The following ZRANB3 variants were observed in gnomAD, a reference collection of about 807,000 sequenced individuals.
The protein encoded by ZRANB3 is zinc finger RANBP2-type containing 3, also known as DNA annealing helicase and endonuclease ZRANB3.
In ZRANB3, 125 loss-of-function variants were observed where a neutral mutation model predicts 133.8. The observed-to-expected ratio is 0.93, with a 90% CI of 0.81 to 1.08. The LOEUF is 1.08. Ranked by LOEUF, ZRANB3 falls within the 50% of genes least tolerant of loss-of-function variation. The probability of loss-of-function intolerance (pLI) is 0.00; values close to 1 mark genes in which losing one functional copy is unlikely to be tolerated. For missense variants in ZRANB3, 1,229 were observed against 1,275.5 expected, an observed-to-expected ratio of 0.96 and a Z score of 0.56; for synonymous variants, 387 against 432.7, an observed-to-expected ratio of 0.89 and a Z score of 1.31.
At chr2:135,336,854 TG>T (rs1684392299) in intron 6 of ZRANB3, among the ~76,000 whole-genome samples, 1 of 152,030 alleles carries the variant, frequency 6.6e-6, no homozygotes, top group Non-Finnish European at 1.5e-5. Flanking sequence ...TTGTTTTATG[TG>T]GGCAAATTTT....
intron 13 of ZRANB3, 154 bp from the exon 14 acceptor site, chr2:135,228,169 A>C: frequency 1.6e-6 from 1 of 615,726 alleles, no homozygotes; most frequent in Non-Finnish European, 2.7e-6. Flanking sequence ...ACCCAGTACT[A>C]TTCTAGATGC....
intron 6 of ZRANB3, among the ~76,000 whole-genome samples, chr2:135,327,322 T>C (rs1683883580): frequency 6.6e-6 from 1 of 152,036 alleles, no homozygotes; most frequent in Admixed American, 6.6e-5. Flanking sequence ...GAGGAAAATC[T>C]CCAGGAAAAC....
intron 2 of ZRANB3, among the ~76,000 whole-genome samples, chr2:135,481,327 T>C (rs1239067278): frequency 1.3e-5 from 2 of 151,752 alleles, no homozygotes; most frequent in African/African-American, 4.8e-5. Context: ...TGAGATGGTA[T>C]CTCATTGTGG....
At chr2:135,520,774 G>A (rs1202639683) in intron 1 of ZRANB3, among the ~76,000 whole-genome samples, 1 of 151,832 alleles carries the variant, frequency 6.6e-6, no homozygotes, top group Non-Finnish European at 1.5e-5. Flanking sequence ...TAGTAGAGAC[G>A]GGGTTACACC....
At chr2:135,419,654 T>C (rs1688748367) in intron 2 of ZRANB3, among the ~76,000 whole-genome samples, 1 of 151,542 alleles carries the variant, frequency 6.6e-6, no homozygotes, top group Non-Finnish European at 1.5e-5. Context: ...GTAACAAGGA[T>C]GGCACCAGTC....
intron 1 of ZRANB3, among the ~76,000 whole-genome samples, chr2:135,507,012 G>C (rs145418242): frequency 2.6e-5 from 4 of 152,292 alleles, no homozygotes; most frequent in African/African-American, 9.6e-5. Context: ...AGCAAAAAGG[G>C]AAAGCATGAA....
rs746310380 is a variant in ZRANB3, at chr2:135,350,155, C to T, written c.420G>A (p.Lys140=). ...GATTATTCAGTGCATCTATCAAAGT[C>T]TTTGCATCTGCGGTTAAGAGACCAT... The part of the protein sequence containing the change: ...LGYGLLTADA[K]TLIDALNNQN... Residue 140 remains lysine (K), a synonymous_variant, in exon 5 of 21, where the codon AAG becomes AAA. Transcript: ENST00000264159. The T allele has an allele frequency of 6.2e-7, 1 of 1,612,296 alleles. No homozygotes were observed. The highest frequency in any genetic ancestry group is 1.3e-5 in the African/African-American group (1 of 74,914).
At chr2:135,307,686 T>C (rs146623498) in intron 8 of ZRANB3, among the ~76,000 whole-genome samples, 44 of 152,290 alleles carry the variant, frequency 2.9e-4, no homozygotes, top group African/African-American at 9.6e-4. Context: ...CTAGGAGTTA[T>C]GTGTAGAAGG....
intron 8 of ZRANB3, among the ~76,000 whole-genome samples, chr2:135,307,727 T>C (rs1682772046): frequency 1.3e-5 from 2 of 152,178 alleles, no homozygotes; most frequent in African/African-American, 4.8e-5. Context: ...GATAGTTACA[T>C]CCAGAATTGA....
At chr2:135,408,772 C>T (rs925425615) in intron 2 of ZRANB3, among the ~76,000 whole-genome samples, 3 of 148,060 alleles carry the variant, frequency 2.0e-5, no homozygotes, top group Non-Finnish European at 4.4e-5. Context: ...GGGAACTGAA[C>T]AATGAGAACA....
At chr2:135,440,905 C>A (rs539107190) in intron 2 of ZRANB3, among the ~76,000 whole-genome samples, 14 of 152,002 alleles carry the variant, frequency 9.2e-5, no homozygotes, top group Admixed American at 5.9e-4. Flanking sequence ...TTTGATAGAG[C>A]AATAGAAATT....
chr2:135,233,765 A>G (rs906868402), intron 12 of ZRANB3, among the ~76,000 whole-genome samples: 1 of 152,136 alleles, frequency 6.6e-6, no homozygotes, highest in African/African-American at 2.4e-5. Flanking sequence ...TCACCACCAG[A>G]CCTGCCCTAA....
intron 3 of ZRANB3, among the ~76,000 whole-genome samples, chr2:135,358,630 T>C (rs1449535725): frequency 6.6e-6 from 1 of 152,038 alleles, no homozygotes; most frequent in Non-Finnish European, 1.5e-5. Context: ...AATTAAGAAA[T>C]ATGAAGTCAT....
intron 3 of ZRANB3, among the ~76,000 whole-genome samples, chr2:135,367,317 C>T (rs865810633): frequency 6.6e-6 from 1 of 152,188 alleles, no homozygotes; most frequent in African/African-American, 2.4e-5. Context: ...GGACTGGTGG[C>T]AGCCACGTCC....
intron 2 of ZRANB3, among the ~76,000 whole-genome samples, chr2:135,469,108 C>T (rs1691134871): frequency 1.3e-5 from 2 of 152,162 alleles, no homozygotes; most frequent in African/African-American, 4.8e-5. Context: ...AACTAAACTT[C>T]TGAAGACCCT....
intron 2 of ZRANB3, among the ~76,000 whole-genome samples, chr2:135,466,254 A>T (rs1179645122): frequency 1.3e-5 from 2 of 151,808 alleles, no homozygotes; most frequent in African/African-American, 2.4e-5. Context: ...GTGGTGGTGC[A>T]TGCCTGTAGT....
chr2:135,487,612 T>G (rs541888569), intron 2 of ZRANB3, among the ~76,000 whole-genome samples: 12 of 152,356 alleles, frequency 7.9e-5, no homozygotes, highest in Middle Eastern at 3.4e-3. Context: ...TGCTTCACCT[T>G]GCACATTTAT....
intron 5 of ZRANB3, among the ~76,000 whole-genome samples, chr2:135,349,570 A>AGT (rs1216830420): frequency 6.6e-6 from 1 of 152,234 alleles, no homozygotes; most frequent in Non-Finnish European, 1.5e-5. Context: ...TGACTCTTAA[A>AGT]GTGAAAGAAG....
At chr2:135,367,614 C>A (rs1157202415) in intron 3 of ZRANB3, among the ~76,000 whole-genome samples, 1 of 152,118 alleles carries the variant, frequency 6.6e-6, no homozygotes, top group Non-Finnish European at 1.5e-5. Flanking sequence ...AAATAAACCA[C>A]CCCATTGTCA....
Sources: allele counts gnomAD v4.1 joint callset (sites outside exome capture counted in the v4.1 genomes callset), GRCh38; gene constraint gnomAD v4.1.1; transcripts MANE v1.5; gene names NCBI Gene and HGNC (gene_info 2026-07-23, HGNC 2026-07-21).